The following EPS8L2 variants were observed in gnomAD, a reference collection of about 807,000 sequenced individuals.
EPS8L2 encodes the protein epidermal growth factor receptor kinase substrate 8-like protein 2.
A neutral mutation model predicts 99.4 loss-of-function variants in EPS8L2; 81 were observed. That is an observed-to-expected ratio of 0.82 (90% CI 0.68 to 0.98). The LOEUF (loss-of-function observed/expected upper bound fraction) is 0.98, where lower values mean the gene tolerates loss of function less well. Among genes scored for constraint, EPS8L2 ranks in the 50% least tolerant of loss-of-function variants. The probability of loss-of-function intolerance (pLI) is 0.00; values close to 1 mark genes in which losing one functional copy is unlikely to be tolerated. For synonymous variants in EPS8L2, 509 were observed against 407.3 expected (o/e 1.25, Z -3.01); for missense variants, 1,155 against 968.8 (o/e 1.19, Z -2.55).
At chr11:722,272 C>G (rs1280123125) in intron 12 of EPS8L2, 107 bp downstream of exon 12, 7 of 1,532,518 alleles carry the variant, frequency 4.6e-6, no homozygotes, top group Non-Finnish European at 5.4e-6. Flanking sequence ...TTGGGCAGCC[C>G]GGTTCACGCT....
rs2133524183 is a variant in EPS8L2 at position 720,710 on chromosome 11, G to A, written c.441G>A (p.Lys147=). ...TGTGCCAGGACTCGGAGCAGAGCAAGCCGGATGTCCACTTCTTCCACTGCG... is the reference window on the plus strand; with the variant it reads ...TGTGCCAGGACTCGGAGCAGAGCAAACCGGATGTCCACTTCTTCCACTGCG... ...LLVCQDSEQS[K]PDVHFFHCDE... Residue 147 remains lysine, a synonymous_variant, in exon 6 of 21, where the codon AAG becomes AAA. Coordinates refer to ENST00000318562, the MANE Select transcript of EPS8L2 (RefSeq NM_022772.4). The A allele has an allele frequency of 1.9e-6, 3 of 1,594,288 alleles. No individual in the cohort carries two copies. Among genetic ancestry groups the A allele is most frequent in the Non-Finnish European group, 2.6e-6 (3 of 1,171,612 alleles).
At chr11:722,879 T>A in intron 14 of EPS8L2, 74 bp downstream of exon 14, 1 of 695,008 alleles carries the variant, frequency 1.4e-6, no homozygotes, top group Non-Finnish European at 1.9e-6. Flanking sequence ...CCCCCAGCCC[T>A]GACACCCACC....
intron 4 of EPS8L2, among the ~76,000 whole-genome samples, chr11:714,701 C>G (rs544482030): frequency 1.2e-4 from 18 of 149,832 alleles, no homozygotes; most frequent in South Asian, 2.1e-4. Context: ...TCTCAATGTA[C>G]TGGACCACAC....
At chr11:726,507 C>T (rs1346831238) in intron 19 of EPS8L2, 23 bp downstream of exon 19, 5 of 1,529,060 alleles carry the variant, frequency 3.3e-6, no homozygotes, top group Non-Finnish European at 4.4e-6. Flanking sequence ...GGGGGATGAG[C>T]TGGGGCCCGG....
intron 16 of EPS8L2, 104 bp from the exon 17 acceptor site, chr11:725,624 C>T (rs1862291971): frequency 8.9e-7 from 1 of 1,124,458 alleles, no homozygotes. Flanking sequence ...AGCGGGGCTC[C>T]GGGAGACCCT....
rs1236080523 is a variant in EPS8L2, at chr11:720,990, GGGGAGGAGCCCGGCA to G, written c.558-67_558-53del. The G allele has an allele frequency of 4.9e-4, 723 of 1,466,482 alleles. 3 individuals are homozygous for G. The highest frequency in any genetic ancestry group is 6.1e-4 in the Non-Finnish European group (668 of 1,095,708). The allele number at this position is 1,466,482 out of a possible 1,614,324, so 90.8% of individuals were successfully genotyped here. On this transcript the variant is annotated intron_variant, in intron 7 of 20. Coordinates refer to ENST00000318562, the MANE Select transcript of EPS8L2 (RefSeq NM_022772.4). ...GGGGAGGGGAGGAGCCGGCAGGGGA[GGGGAGGAGCCCGGCA>G]GGGAGGGAGGGTCAGGTGCGTTCCC... is the stretch of plus-strand genomic sequence containing the variant.
chr11:726,739 G>A lies in EPS8L2; in HGVS notation c.2055G>A (p.Lys685=). The change falls in exon 20 of 21, where the codon AAG becomes AAA. Residue 685 remains lysine (K), a synonymous_variant. Transcript: ENST00000318562. ...TGTACAGCCAGCTCACCATGCAGAAGGCCTTCCTGGAGGTGAGCCCGCCTG... is the reference window on the plus strand; with the variant it reads ...TGTACAGCCAGCTCACCATGCAGAAAGCCTTCCTGGAGGTGAGCCCGCCTG... ...VRVYSQLTMQ[K]AFLEKQQSGS... is the part of the protein sequence containing the mutation. The A allele has an allele frequency of 1.9e-6, 3 of 1,593,552 alleles. No homozygotes were observed. The highest frequency in any genetic ancestry group is 2.6e-6 in the Non-Finnish European group (3 of 1,171,908).
intron 20 of EPS8L2, 35 bp downstream of exon 20, chr11:726,786 CT>C: frequency 1.3e-6 from 2 of 1,580,176 alleles, no homozygotes; most frequent in African/African-American, 2.7e-5. Flanking sequence ...CACGCCCCTC[CT>C]GCCCCTGCGC....
chr11:726,216 C>T, intron 18 of EPS8L2, 46 bp downstream of exon 18: 3 of 1,566,724 alleles, frequency 1.9e-6, no homozygotes, highest in Non-Finnish European at 1.7e-6. Context: ...CCAGGGCCAC[C>T]TGGGGGAGGA....
rs6597989 is a variant in EPS8L2 at position 720,763 on chromosome 11, C to T, written c.477+17C>T. On this transcript the variant is annotated intron_variant, in intron 6 of 20. Transcript: ENST00000318562. ...GAGGTGGAGGTGAGGCGGTGCCGGG[C>T]GGGGCAGGGTGGGGCCCCGCCGCGC... 2,002 of 922,828 alleles carry T rather than the reference C, an allele frequency of 2.2e-3. 21 individuals are homozygous for T. In the African/African-American group the frequency reaches 0.03, roughly 14 times the overall value. 57.2% of individuals were successfully genotyped at this position (922,828 alleles called of 1,614,324 possible).
chr11:709,439 C>G lies in EPS8L2; in HGVS notation c.32C>G (p.Pro11Arg). Reference sequence around the variant, plus strand: ...CAGTCCGGGGCCGTGAGCTGCTGCCCGGGTGCCACCAAGTGAGCCCTCCCA... The same window carrying G: ...CAGTCCGGGGCCGTGAGCTGCTGCCGGGGTGCCACCAAGTGAGCCCTCCCA... Reference protein sequence around the residue: MSQSGAVSCCPGATNGSLGRS... With the variant: MSQSGAVSCCRGATNGSLGRS... Residue 11 changes from proline to arginine, a missense_variant, in exon 2 of 21, where the codon CCG becomes CGG. Transcript: ENST00000318562. 2 of 1,597,120 alleles carry G rather than the reference C, an allele frequency of 1.3e-6. No homozygotes were observed. The highest frequency in any genetic ancestry group is 1.1e-5 in the South Asian group (1 of 88,216).
intron 1 of EPS8L2, chr11:708,937 A>T (rs1052061393): frequency 6.1e-5 from 1 of 16,436 alleles, no homozygotes. Context: ...GCCCTCCCCC[A>T]ACCCCCACCG....
chr11:726,026 G>T, intron 17 of EPS8L2, 72 bp from the exon 18 acceptor site: 1 of 1,313,038 alleles, frequency 7.6e-7, no homozygotes. Context: ...TTGGCGGGGT[G>T]GGGAGGTCCC....
chr11:715,301 G>C (rs1196324275), intron 4 of EPS8L2, among the ~76,000 whole-genome samples: 1 of 152,064 alleles, frequency 6.6e-6, no homozygotes, highest in Non-Finnish European at 1.5e-5. Context: ...TATTTGTTAG[G>C]ATTTGCCAGT....
intron 19 of EPS8L2, 23 bp downstream of exon 19, chr11:726,507 C>A: frequency 6.5e-7 from 1 of 1,529,058 alleles, no homozygotes; most frequent in South Asian, 1.2e-5. Flanking sequence ...GGGGGATGAG[C>A]TGGGGCCCGG....
intron 4 of EPS8L2, among the ~76,000 whole-genome samples, chr11:715,829 C>A (rs941877983): frequency 3.3e-5 from 5 of 151,526 alleles, no homozygotes; most frequent in African/African-American, 7.3e-5. Context: ...ACCGCGTTAG[C>A]CAGGATGGTC....
intron 18 of EPS8L2, 63 bp downstream of exon 18, chr11:726,233 G>GGT: frequency 6.4e-7 from 1 of 1,561,154 alleles, no homozygotes; most frequent in Non-Finnish European, 8.7e-7. Context: ...AGGAAGTGTG[G>GGT]GGGGGGTCCC....
At chr11:720,302 G>T (rs1862121268) in intron 5 of EPS8L2, 79 bp downstream of exon 5, 1 of 1,484,050 alleles carries the variant, frequency 6.7e-7, no homozygotes, top group Non-Finnish European at 9.2e-7. Context: ...CCGGATGTGC[G>T]GCCGGTCCTC....
intron 1 of EPS8L2, among the ~76,000 whole-genome samples, chr11:707,672 C>T (rs1296443890): frequency 1.3e-5 from 2 of 152,106 alleles, no homozygotes; most frequent in African/African-American, 2.4e-5. Flanking sequence ...CCAGACACCA[C>T]ACCTGGACCC....
Sources: gnomAD v4.1 joint callset for allele counts (sites outside exome capture counted in the v4.1 genomes callset) on GRCh38, gnomAD v4.1.1 for gene constraint, MANE v1.5 for transcripts, NCBI Gene and HGNC (gene_info 2026-07-23, HGNC 2026-07-21) for gene names.